The following HLCS variants were observed in gnomAD, a reference collection of about 807,000 sequenced individuals.
HLCS encodes biotin--protein ligase.
HLCS carries 53 observed loss-of-function variants against 75.0 expected under a neutral mutation model. The observed-to-expected ratio is 0.71, with a 90% CI of 0.57 to 0.89. The LOEUF is 0.89. HLCS is among the 40% of genes least tolerant of loss of function. The pLI is 0.00. For missense variants in HLCS, 966 were observed against 1,074.0 expected (o/e 0.90, Z 1.41); for synonymous variants, 431 against 428.6 (o/e 1.01, Z -0.07).
chr21:36,917,768 T>C (rs2065994142), intron 5 of HLCS, among the ~76,000 whole-genome samples: 1 of 151,992 alleles, frequency 6.6e-6, no homozygotes, highest in Non-Finnish European at 1.5e-5. Flanking sequence ...GCCAGTTTAG[T>C]AAAAAGTGTT....
intron 2 of HLCS, among the ~76,000 whole-genome samples, chr21:36,954,419 C>T (rs1450402543): frequency 6.6e-6 from 1 of 151,548 alleles, no homozygotes; most frequent in Non-Finnish European, 1.5e-5. Context: ...TCGAGACCAT[C>T]CTGGCTAACA....
intron 6 of HLCS, among the ~76,000 whole-genome samples, chr21:36,814,076 T>C (rs935896799): frequency 3.3e-5 from 5 of 152,170 alleles, no homozygotes; most frequent in Non-Finnish European, 7.3e-5. Context: ...TGGTGGTCTT[T>C]GGAGGCTCAG....
chr21:36,866,403 A>G (rs1176497209), intron 6 of HLCS, among the ~76,000 whole-genome samples: 1 of 152,248 alleles, frequency 6.6e-6, no homozygotes, highest in African/African-American at 2.4e-5. Flanking sequence ...TTTGACGGTC[A>G]TTACACTTTA....
At chr21:36,850,569 G>C (rs2062960846) in intron 6 of HLCS, among the ~76,000 whole-genome samples, 1 of 152,156 alleles carries the variant, frequency 6.6e-6, no homozygotes. Flanking sequence ...ACGGGGCATG[G>C]ACCACACACG....
intron 6 of HLCS, among the ~76,000 whole-genome samples, chr21:36,888,474 A>T (rs866016701): frequency 8.5e-5 from 7 of 82,322 alleles, no homozygotes; most frequent in East Asian, 4.3e-4. Flanking sequence ...ATATATATAT[A>T]TATATATATA....
chr21:36,916,516 TAA>T (rs1239734853), intron 5 of HLCS, among the ~76,000 whole-genome samples: 2 of 132,566 alleles, frequency 1.5e-5, no homozygotes, highest in African/African-American at 2.8e-5. Flanking sequence ...CATGCCTAGC[TAA>T]TTTTTTTTTT....
intron 9 of HLCS, chr21:36,757,063 G>T: frequency 1.9e-6 from 1 of 513,006 alleles, no homozygotes; most frequent in Non-Finnish European, 2.5e-6. Context: ...GGGACAAAAC[G>T]TATCAGTGTT....
chr21:36,781,071 A>C (rs912373584), intron 6 of HLCS, among the ~76,000 whole-genome samples: 1 of 151,774 alleles, frequency 6.6e-6, no homozygotes, highest in African/African-American at 2.4e-5. Context: ...TTCCTGTCAG[A>C]TCAGCGGCAG....
intron 1 of HLCS, among the ~76,000 whole-genome samples, chr21:36,983,977 A>G (rs2069179473): frequency 6.6e-6 from 1 of 152,036 alleles, no homozygotes; most frequent in Non-Finnish European, 1.5e-5. Flanking sequence ...CTGATACTAT[A>G]TGCACAAACC....
Position 36,936,659 on chromosome 21 carries a change from T to C in HLCS, c.1227A>G (p.Ala409=). 1.9e-6 allele frequency: 3 copies of C among 1,614,240 alleles called. No homozygotes were observed. Among genetic ancestry groups the C allele is most frequent in the East Asian group, 2.2e-5 (1 of 44,882 alleles). ...CCAAGTTCTGGACTGTCTTGTGCAG[T>C]GCACCCTTGCTTGTCACCTGAAAGC... is the stretch of plus-strand genomic sequence containing the variant. The part of the protein sequence containing the change: ...FGGFQVTSKG[A]LHKTVQNLVF... The change falls in exon 4 of 11, where the codon GCA becomes GCG. Residue 409 remains alanine, a synonymous_variant. Transcript: ENST00000674895.
At position 36,788,873 on chromosome 21, in the gene HLCS, G is replaced by A. The variant is rs80231785; in HGVS notation, c.1893-21588C>T. ...GTTTTTGTGGGGCACTTTTTTGCGG[G>A]GGAAGGGGCAGAAAGATTAGGAATA... On this transcript the variant is annotated intron_variant, in intron 6 of 10. Coordinates refer to ENST00000674895, the MANE Select transcript of HLCS (RefSeq NM_001352514.2). Among the ~76,000 whole-genome samples, 793 of 152,204 alleles carry A rather than the reference G, an allele frequency of 5.2e-3. 6 individuals are homozygous for A. The highest frequency in any genetic ancestry group is 0.018 in the African/African-American group (740 of 41,528).
In HLCS at chr21:36,888,446, ATATATAT is replaced by A. The variant is rs1172445160; in HGVS notation, c.1892+8407_1892+8413del. Among the ~76,000 whole-genome samples, 254 of 70,342 alleles carry A rather than the reference ATATATAT, an allele frequency of 3.6e-3. 6 individuals are homozygous for A. The highest frequency in any genetic ancestry group is 4.7e-3 in the South Asian group (12 of 2,552). 46.1% of individuals were successfully genotyped at this position (70,342 alleles called of 152,430 possible). ...CCCTTCCCATTTAAAAAAAAAAAAA[ATATATAT>A]ATATATATATATATATATATATATA... On this transcript the variant is annotated intron_variant, in intron 6 of 10. Coordinates refer to ENST00000674895, the MANE Select transcript of HLCS (RefSeq NM_001352514.2).
chr21:36,936,770 A>C lies in HLCS; in HGVS notation c.1116T>G (p.Ile372Met). Residue 372 changes from isoleucine to methionine, a missense_variant, in exon 4 of 11, where the codon ATT becomes ATG. Ile to Met is a conservative substitution (Grantham distance 10, BLOSUM62 1). Coordinates refer to ENST00000674895, the MANE Select transcript of HLCS (RefSeq NM_001352514.2). ...TGAACTTCTGGTACAGGTCTTCGGG[A>C]ATGGACTCCCTGGTAGCAATGACCA... ...LLLVIATRES[I>M]PEDLYQKFMA... The C allele has an allele frequency of 6.2e-7, 1 of 1,614,202 alleles. No homozygotes were observed. Among genetic ancestry groups the C allele is most frequent in the Non-Finnish European group, 8.5e-7 (1 of 1,180,034 alleles).
In HLCS at chr21:36,957,854, G is replaced by A. The variant is rs778686612; in HGVS notation, c.330+4182C>T. ...TGAGGAAGGAGAATGGCATGAACCC[G>A]GGAGGCAGAGCTTGCAGTGAGCCGA... On this transcript the variant is annotated intron_variant, in intron 2 of 10. Transcript: ENST00000674895. Among the ~76,000 whole-genome samples the A allele has an allele frequency of 1.4e-3, 205 of 151,508 alleles. 1 individual carries two copies. The highest frequency in any genetic ancestry group is 2.6e-3 in the Non-Finnish European group (175 of 67,906).
In HLCS at chr21:36,870,519, A is replaced by G. The variant is rs760375638; in HGVS notation, c.1892+26341T>C. ...AACTAGGTTATCAATAAATAGACCTATATTTCTACCTATGTCATCCTCCAA... is the reference window on the plus strand; with the variant it reads ...AACTAGGTTATCAATAAATAGACCTGTATTTCTACCTATGTCATCCTCCAA... On this transcript the variant is annotated intron_variant, in intron 6 of 10. Transcript: ENST00000674895. Among the ~76,000 whole-genome samples, 77 of 152,236 alleles carry G rather than the reference A, an allele frequency of 5.1e-4. 1 individual carries two copies. Among genetic ancestry groups the G allele is most frequent in the Non-Finnish European group, 1.0e-3 (68 of 68,044 alleles).
rs1335164856 is a variant in HLCS, at chr21:36,888,443, AAAATATATATATATATATATATAT to A, written c.1892+8393_1892+8416del. On this transcript the variant is annotated intron_variant, in intron 6 of 10. Transcript: ENST00000674895. ...GCCCCCTTCCCATTTAAAAAAAAAA[AAAATATATATATATATATATATAT>A]ATATATATATATATATATATATATA... Among the ~76,000 whole-genome samples the A allele has an allele frequency of 7.5e-3, 213 of 28,312 alleles. 6 individuals carry two copies. Among genetic ancestry groups the A allele is most frequent in the South Asian group, 0.025 (14 of 550 alleles). 18.6% of individuals were successfully genotyped at this position (28,312 alleles called of 152,430 possible).
intron 6 of HLCS, among the ~76,000 whole-genome samples, chr21:36,793,293 G>GTTTTTTTTTTTT (rs1569018321): frequency 9.2e-6 from 1 of 108,496 alleles, no homozygotes; most frequent in Non-Finnish European, 2.1e-5. Context: ...GCAGGAAGCA[G>GTTTTTTTTTTTT]TCTTTTTTTT....
chr21:36,913,822 G>A (rs1428462987), intron 5 of HLCS, among the ~76,000 whole-genome samples: 1 of 152,182 alleles, frequency 6.6e-6, no homozygotes, highest in Non-Finnish European at 1.5e-5. Context: ...TGCCTACTTA[G>A]ACAAGGCTGT....
intron 5 of HLCS, among the ~76,000 whole-genome samples, chr21:36,900,743 A>T (rs1355175250): frequency 6.6e-6 from 1 of 152,222 alleles, no homozygotes; most frequent in African/African-American, 2.4e-5. Context: ...ATGGTGAGAA[A>T]GGATAGGATT....
Sources: allele counts gnomAD v4.1 joint callset (sites outside exome capture counted in the v4.1 genomes callset), GRCh38; gene constraint gnomAD v4.1.1; transcripts MANE v1.5; gene names NCBI Gene and HGNC (gene_info 2026-07-23, HGNC 2026-07-21).